CEP128: variants seen among roughly 807,000 people sequenced by gnomAD.
CEP128 encodes the protein centrosomal protein 128kDa.
Under a neutral mutation model 156.7 loss-of-function variants are expected in CEP128, and 132 were observed. The ratio of observed to expected loss-of-function variants is 0.84; its 90% CI spans 0.73 to 0.97. The LOEUF is 0.97. CEP128 is among the 50% of genes least tolerant of loss of function. CEP128 has a pLI of 0.00. For missense variants in CEP128, 1,252 were observed against 1,281.9 expected (o/e 0.98, Z 0.36); for synonymous variants, 469 against 448.9 (o/e 1.04, Z -0.57).
chr14:80,570,095 A>G lies in CEP128; in HGVS notation c.2856+10279T>C, dbSNP rs367925998. Among the ~76,000 whole-genome samples, 180 of 152,306 alleles carry G rather than the reference A, an allele frequency of 1.2e-3. 4 individuals carry two copies. In the Middle Eastern group the frequency reaches 0.024, roughly 20 times the overall value. On this transcript the variant is annotated intron_variant, in intron 20 of 24. Coordinates refer to ENST00000555265, the MANE Select transcript of CEP128 (RefSeq NM_152446.5). ...TTGTAAGTTTAATTGCCAAAACTGC[A>G]TTGGGTACTTTTAACATATGTTCTT...
intron 8 of CEP128, among the ~76,000 whole-genome samples, chr14:80,882,066 G>A (rs1018724514): frequency 1.3e-5 from 2 of 151,980 alleles, no homozygotes; most frequent in African/African-American, 4.8e-5. Flanking sequence ...GGCAATCAGA[G>A]CAAAAATGAA....
chr14:80,903,172 G>A (rs1259234158), intron 6 of CEP128, among the ~76,000 whole-genome samples: 3 of 151,958 alleles, frequency 2.0e-5, no homozygotes, highest in East Asian at 1.9e-4. Context: ...ATCAATCTAC[G>A]AACAGAGGAG....
In CEP128 at chr14:80,648,246, G is replaced by A. The variant is rs188141193; in HGVS notation, c.2807-67823C>T. Among the ~76,000 whole-genome samples, 405 of 152,106 alleles carry A rather than the reference G, an allele frequency of 2.7e-3. 2 individuals are homozygous for A. The highest frequency in any genetic ancestry group is 9.3e-3 in the African/African-American group (387 of 41,506). On this transcript the variant is annotated intron_variant, in intron 19 of 24. Coordinates refer to ENST00000555265, the MANE Select transcript of CEP128 (RefSeq NM_152446.5). ...AGTATCTTTCTACCTCTTTTCTGGG[G>A]ATCTTTGATTAATGAAGTAAACCCT...
chr14:80,570,336 T>C (rs561079377), intron 20 of CEP128, among the ~76,000 whole-genome samples: 1 of 152,304 alleles, frequency 6.6e-6, no homozygotes, highest in Non-Finnish European at 1.5e-5. Flanking sequence ...CAGGATGGTC[T>C]TGAGCTCCTG....
At chr14:80,870,981 A>G (rs1335122690) in intron 8 of CEP128, among the ~76,000 whole-genome samples, 1 of 152,030 alleles carries the variant, frequency 6.6e-6, no homozygotes, top group African/African-American at 2.4e-5. Context: ...CCTGTTCACT[A>G]TAGCACCCAA....
intron 16 of CEP128, among the ~76,000 whole-genome samples, chr14:80,773,354 A>G (rs1187366796): frequency 6.6e-6 from 1 of 152,210 alleles, no homozygotes; most frequent in African/African-American, 2.4e-5. Flanking sequence ...TGCACAAAAT[A>G]TTGTATATAT....
At chr14:80,630,249 G>C (rs1893906268) in intron 19 of CEP128, among the ~76,000 whole-genome samples, 1 of 151,864 alleles carries the variant, frequency 6.6e-6, no homozygotes, top group Non-Finnish European at 1.5e-5. Context: ...GAAAAGTAAT[G>C]AATGAAAATT....
At chr14:80,880,194 A>G (rs974903686) in intron 8 of CEP128, among the ~76,000 whole-genome samples, 1 of 152,228 alleles carries the variant, frequency 6.6e-6, no homozygotes, top group African/African-American at 2.4e-5. Context: ...TTGATGTCAT[A>G]CATCATATTA....
At chr14:80,835,832 AG>A (rs1378891453) in intron 12 of CEP128, among the ~76,000 whole-genome samples, 4 of 152,196 alleles carry the variant, frequency 2.6e-5, no homozygotes, top group African/African-American at 9.7e-5. Context: ...TTGAGATAAG[AG>A]AATGTGAAAG....
Position 80,614,420 on chromosome 14 carries a change from A to G in CEP128, c.2807-33997T>C, listed in dbSNP as rs565696349. ...ACAACACTCTCTAGAAGTCCCTCCT[A>G]TTCTTTTTTATCATTTCTTCTCAGT... On this transcript the variant is annotated intron_variant, in intron 19 of 24. Coordinates refer to ENST00000555265, the MANE Select transcript of CEP128 (RefSeq NM_152446.5). 2.0e-5 allele frequency among the ~76,000 whole-genome samples: 3 copies of G among 152,120 alleles called. No homozygotes were observed. In the South Asian group the frequency reaches 6.2e-4, roughly 32 times the overall value.
chr14:80,897,813 C>G (rs80134537), intron 7 of CEP128, among the ~76,000 whole-genome samples: 104 of 152,264 alleles, frequency 6.8e-4, no homozygotes, highest in Non-Finnish European at 1.4e-3. Context: ...AGGTTTCACT[C>G]TGATACCCAG....
intron 21 of CEP128, among the ~76,000 whole-genome samples, chr14:80,554,532 T>G (rs1285345036): frequency 6.6e-6 from 1 of 152,154 alleles, no homozygotes; most frequent in Non-Finnish European, 1.5e-5. Flanking sequence ...TGACTAAAAA[T>G]AGTTGATTAA....
intron 4 of CEP128, among the ~76,000 whole-genome samples, chr14:80,910,366 C>T (rs1408850512): frequency 6.6e-6 from 1 of 152,152 alleles, no homozygotes; most frequent in African/African-American, 2.4e-5. Flanking sequence ...GGTGAGAGGT[C>T]ACTGGATCAT....
At chr14:80,562,959 T>C (rs1400214970) in intron 20 of CEP128, among the ~76,000 whole-genome samples, 1 of 151,934 alleles carries the variant, frequency 6.6e-6, no homozygotes, top group Non-Finnish European at 1.5e-5. Flanking sequence ...CCACCACACG[T>C]GGGCCAATAC....
chr14:80,650,430 G>C (rs12161872), intron 19 of CEP128, among the ~76,000 whole-genome samples: 116,062 of 152,042 alleles, frequency 0.76, 45,254 homozygotes, highest in Admixed American at 0.84. Context: ...CCGGATTACC[G>C]TGGCCAGAAC....
At position 80,862,845 on chromosome 14, in the gene CEP128, T is replaced by C; in HGVS notation, c.674A>G (p.Gln225Arg). 6.2e-7 allele frequency: 1 copy of C among 1,613,876 alleles called. No individual in the cohort carries two copies. The highest frequency in any genetic ancestry group is 8.5e-7 in the Non-Finnish European group (1 of 1,179,884). ...TGTGCGCATCTCTCTCTCCAGTTCCTGAAGCCGCCGCTCCACCCGATCTGA... is the reference window on the plus strand; with the variant it reads ...TGTGCGCATCTCTCTCTCCAGTTCCCGAAGCCGCCGCTCCACCCGATCTGA... Reference protein sequence around the residue: ...VVSDRVERRLQELEREMRTER... With the variant: ...VVSDRVERRLRELEREMRTER... Residue 225 changes from glutamine to arginine, a missense_variant, in exon 9 of 25, where the codon CAG becomes CGG. Gln to Arg is a conservative substitution (Grantham distance 43). Transcript: ENST00000555265.
At chr14:80,657,505 G>C (rs752909819) in intron 19 of CEP128, among the ~76,000 whole-genome samples, 1 of 151,928 alleles carries the variant, frequency 6.6e-6, no homozygotes. Flanking sequence ...ACAAAAATTA[G>C]CCAGAAGTGG....
intron 9 of CEP128, among the ~76,000 whole-genome samples, chr14:80,845,372 G>A (rs1397665600): frequency 6.6e-6 from 1 of 152,062 alleles, no homozygotes; most frequent in Non-Finnish European, 1.5e-5. Flanking sequence ...TTAAATGTGA[G>A]CCCAACAAGT....
At chr14:80,835,814 A>G (rs1401058797) in intron 12 of CEP128, among the ~76,000 whole-genome samples, 2 of 152,202 alleles carry the variant, frequency 1.3e-5, no homozygotes, top group African/African-American at 4.8e-5. Context: ...TTTCTCTTAT[A>G]CTGAAAATTG....
Sources: gnomAD v4.1 joint callset for allele counts (sites outside exome capture counted in the v4.1 genomes callset) on GRCh38, gnomAD v4.1.1 for gene constraint, MANE v1.5 for transcripts, NCBI Gene and HGNC (gene_info 2026-07-23, HGNC 2026-07-21) for gene names.